SUGCT: variants seen among roughly 807,000 people sequenced by gnomAD.
SUGCT encodes succinyl-CoA:glutarate-CoA transferase.
A neutral mutation model predicts 55.0 loss-of-function variants in SUGCT; 41 were observed. The observed-to-expected ratio is 0.74, with a 90% confidence interval of 0.58 to 0.97. The LOEUF (loss-of-function observed/expected upper bound fraction) is 0.97, where lower values mean the gene tolerates loss of function less well. SUGCT is among the 50% of genes least tolerant of loss of function. The pLI, the probability that SUGCT is intolerant of heterozygous loss-of-function variation, is 0.00. For synonymous variants in SUGCT, 187 were observed against 200.4 expected (o/e 0.93, Z 0.56); for missense variants, 568 against 547.8 (o/e 1.04, Z -0.37).
At chr7:40,955,525 G>A in the SUGCT span, among the ~76,000 whole-genome samples, 1 of 152,184 alleles carries the variant, frequency 6.6e-6, no homozygotes, top group African/African-American at 2.4e-5. Flanking sequence ...AGCTTAAGGA[G>A]ATTTTGGGCT....
intron 9 of SUGCT, among the ~76,000 whole-genome samples, chr7:40,362,784 G>A (rs1202641198): frequency 1.3e-5 from 2 of 152,098 alleles, no homozygotes; most frequent in African/African-American, 2.4e-5. Context: ...AGTTTGTACA[G>A]CTATCTCTAT....
intron 10 of SUGCT, among the ~76,000 whole-genome samples, chr7:40,454,759 T>C (rs1162558641): frequency 1.3e-5 from 2 of 152,172 alleles, no homozygotes; most frequent in Non-Finnish European, 2.9e-5. Flanking sequence ...CAATATCCAG[T>C]AGAAATATCC....
chr7:40,864,030 A>C (rs1448692788), downstream of SUGCT, among the ~76,000 whole-genome samples: 1 of 152,172 alleles, frequency 6.6e-6, no homozygotes, highest in Non-Finnish European at 1.5e-5. Flanking sequence ...CATGAAGTAC[A>C]ATTGCGTTTC....
the SUGCT span, among the ~76,000 whole-genome samples, chr7:40,952,710 T>A: frequency 6.6e-6 from 1 of 152,212 alleles, no homozygotes; most frequent in African/African-American, 2.4e-5. Flanking sequence ...CCTTCACTTA[T>A]GAAGCTTAGT....
intron 9 of SUGCT, among the ~76,000 whole-genome samples, chr7:40,392,567 G>A (rs1785503343): frequency 6.6e-6 from 1 of 151,924 alleles, no homozygotes; most frequent in Non-Finnish European, 1.5e-5. Context: ...GCAAAAGTGA[G>A]GTCCAAATTT....
intron 13 of SUGCT, among the ~76,000 whole-genome samples, chr7:40,788,126 C>A (rs1033108009): frequency 1.3e-5 from 2 of 152,178 alleles, no homozygotes; most frequent in Non-Finnish European, 2.9e-5. Context: ...TGAAGTTCCA[C>A]CCCTGCCCAG....
the SUGCT span, among the ~76,000 whole-genome samples, chr7:41,003,881 T>C: frequency 1.3e-5 from 2 of 152,236 alleles, no homozygotes; most frequent in African/African-American, 4.8e-5. Context: ...AGCAGTGATA[T>C]AATGCGATTG....
At chr7:40,872,623 TA>T in the SUGCT span, among the ~76,000 whole-genome samples, 1 of 152,224 alleles carries the variant, frequency 6.6e-6, no homozygotes, top group Admixed American at 6.5e-5. Flanking sequence ...CTAAGATCCA[TA>T]TTTTGAGTTC....
the SUGCT span, among the ~76,000 whole-genome samples, chr7:40,895,323 G>T: frequency 9.9e-5 from 15 of 152,026 alleles, no homozygotes; most frequent in Non-Finnish European, 4.4e-5. Flanking sequence ...GGTGGAGGGT[G>T]GGAGGAGGGA....
At chr7:40,291,488 C>T (rs1325299193) in intron 8 of SUGCT, among the ~76,000 whole-genome samples, 2 of 119,414 alleles carry the variant, frequency 1.7e-5, no homozygotes, top group African/African-American at 3.3e-5. Flanking sequence ...GGGAACATCA[C>T]ACTCTGGGGA....
chr7:40,593,417 G>A (rs1009861625), intron 12 of SUGCT, among the ~76,000 whole-genome samples: 12 of 152,274 alleles, frequency 7.9e-5, no homozygotes, highest in African/African-American at 2.2e-4. Flanking sequence ...ACTAGAAAAT[G>A]GGCATTGGCA....
chr7:40,272,563 G>C (rs1792143325), intron 7 of SUGCT, among the ~76,000 whole-genome samples: 1 of 151,466 alleles, frequency 6.6e-6, no homozygotes, highest in South Asian at 2.1e-4. Context: ...AGTAACCATG[G>C]GAGTGCACAT....
chr7:40,984,886 G>A, the SUGCT span, among the ~76,000 whole-genome samples: 1 of 152,178 alleles, frequency 6.6e-6, no homozygotes. Context: ...ATGCAGGCCT[G>A]TATCCCTCCA....
intron 12 of SUGCT, among the ~76,000 whole-genome samples, chr7:40,738,407 T>C (rs1048563491): frequency 2.0e-5 from 3 of 152,082 alleles, no homozygotes; most frequent in Admixed American, 2.0e-4. Context: ...AACTTTTCAG[T>C]TAAAAGGCAA....
At chr7:40,848,655 A>T (rs893921503) in intron 13 of SUGCT, among the ~76,000 whole-genome samples, 3 of 152,152 alleles carry the variant, frequency 2.0e-5, no homozygotes, top group Non-Finnish European at 2.9e-5. Context: ...AGCAGTAGTG[A>T]TATATGGCGT....
rs184418268 is a variant in SUGCT, at chr7:40,309,823, T to C, written c.721-6937T>C. Among the ~76,000 whole-genome samples, 446 of 134,454 alleles carry C rather than the reference T, an allele frequency of 3.3e-3. 3 individuals carry two copies. The highest frequency in any genetic ancestry group is 0.013 in the South Asian group (53 of 4,174). 88.2% of individuals were successfully genotyped at this position (134,454 alleles called of 152,430 possible). A position where few individuals can be genotyped will look rare whatever the true frequency, so the allele number is the denominator to read the frequency against. On this transcript the variant is annotated intron_variant, in intron 8 of 13. Coordinates refer to ENST00000335693, the MANE Select transcript of SUGCT (RefSeq NM_001193313.2). ...CACAGGTACCAATGGAGAGAGGTCC[T>C]AATGGCCAAAACTGGAATAATTTGA...
intron 12 of SUGCT, among the ~76,000 whole-genome samples, chr7:40,516,342 A>T (rs977364349): frequency 9.9e-5 from 15 of 152,094 alleles, no homozygotes; most frequent in African/African-American, 3.6e-4. Context: ...TTTAGTTTTG[A>T]TGAAGCACTA....
At chr7:40,527,502 T>C (rs1162021902) in intron 12 of SUGCT, among the ~76,000 whole-genome samples, 1 of 152,184 alleles carries the variant, frequency 6.6e-6, no homozygotes, top group Non-Finnish European at 1.5e-5. Flanking sequence ...AATATGAGCA[T>C]GTGGGGATGG....
At chr7:40,396,652 A>T (rs923899074) in intron 9 of SUGCT, among the ~76,000 whole-genome samples, 1 of 152,248 alleles carries the variant, frequency 6.6e-6, no homozygotes, top group African/African-American at 2.4e-5. Context: ...GAGAAACCAC[A>T]TGCATACAAA....
Sources: gnomAD v4.1 joint callset for allele counts (sites outside exome capture counted in the v4.1 genomes callset) on GRCh38, gnomAD v4.1.1 for gene constraint, MANE v1.5 for transcripts, NCBI Gene and HGNC (gene_info 2026-07-23, HGNC 2026-07-21) for gene names.